The following GABBR2 variants were observed in gnomAD, a reference collection of about 807,000 sequenced individuals.
GABBR2 encodes the protein G-protein coupled receptor 51.
In GABBR2, 23 loss-of-function variants were observed where a neutral mutation model predicts 105.6. The observed-to-expected ratio is 0.22, with a 90% CI of 0.16 to 0.31. The LOEUF (loss-of-function observed/expected upper bound fraction) is 0.31, where lower values mean the gene tolerates loss of function less well. GABBR2 is among the 10% of genes least tolerant of loss of function. GABBR2 has a pLI of 1.00. For missense variants in GABBR2, 734 were observed against 1,245.5 expected (o/e 0.59, Z 6.18); for synonymous variants, 478 against 499.7 (o/e 0.96, Z 0.58).
chr9:98,504,879 T>A (rs1827473497), intron 3 of GABBR2, among the ~76,000 whole-genome samples: 1 of 152,210 alleles, frequency 6.6e-6, no homozygotes, highest in Non-Finnish European at 1.5e-5. Context: ...TTCAGGCCAC[T>A]TTTACTGGGG....
chr9:98,436,357 A>AC (rs1159845409), intron 7 of GABBR2, among the ~76,000 whole-genome samples: 39 of 3,260 alleles, frequency 0.012, 4 homozygotes, highest in South Asian at 0.096. Context: ...CCATATATAT[A>AC]TATATATATA....
intron 1 of GABBR2, among the ~76,000 whole-genome samples, chr9:98,692,776 A>C (rs1830699715): frequency 6.6e-6 from 1 of 152,238 alleles, no homozygotes. Context: ...TTTAGTTGTT[A>C]AAATAATACC....
At chr9:98,518,745 G>A (rs759498634) in intron 3 of GABBR2, among the ~76,000 whole-genome samples, 2 of 152,206 alleles carry the variant, frequency 1.3e-5, no homozygotes, top group Non-Finnish European at 2.9e-5. Flanking sequence ...GGTTGCTCAT[G>A]TATGGAGAGG....
intron 7 of GABBR2, among the ~76,000 whole-genome samples, chr9:98,408,069 C>T (rs1722522859): frequency 6.6e-6 from 1 of 152,112 alleles, no homozygotes; most frequent in African/African-American, 2.4e-5. Context: ...GACAGGTGCT[C>T]AGCAAATGGC....
intron 8 of GABBR2, among the ~76,000 whole-genome samples, chr9:98,401,875 T>A (rs1832400780): frequency 6.6e-6 from 1 of 152,202 alleles, no homozygotes; most frequent in African/African-American, 2.4e-5. Context: ...CAACTTGGTT[T>A]TCTCCAGAGG....
intron 3 of GABBR2, among the ~76,000 whole-genome samples, chr9:98,522,164 T>G (rs1827880753): frequency 6.6e-6 from 1 of 152,020 alleles, no homozygotes; most frequent in Admixed American, 6.6e-5. Flanking sequence ...TGATGAATAT[T>G]GTGGAGGACA....
intron 1 of GABBR2, among the ~76,000 whole-genome samples, chr9:98,702,284 TC>T (rs1026134503): frequency 1.3e-5 from 2 of 151,024 alleles, no homozygotes; most frequent in Admixed American, 6.6e-5. Flanking sequence ...ACACACCCCC[TC>T]CCCAGACATT....
chr9:98,567,004 C>T (rs1386350331), intron 2 of GABBR2, among the ~76,000 whole-genome samples: 1 of 152,194 alleles, frequency 6.6e-6, no homozygotes, highest in Non-Finnish European at 1.5e-5. Flanking sequence ...CAAATTCCCT[C>T]TCCAGTTCTT....
At chr9:98,623,634 C>G (rs1015805498) in intron 1 of GABBR2, among the ~76,000 whole-genome samples, 1 of 152,208 alleles carries the variant, frequency 6.6e-6, no homozygotes, top group African/African-American at 2.4e-5. Context: ...TGGCTCATGG[C>G]CCCTTCCTCC....
chr9:98,621,717 T>C (rs907690096), intron 1 of GABBR2, among the ~76,000 whole-genome samples: 1 of 152,206 alleles, frequency 6.6e-6, no homozygotes, highest in Admixed American at 6.5e-5. Flanking sequence ...CAAAGTCATT[T>C]TGAAAAATGG....
chr9:98,324,037 G>A (rs375858664), intron 13 of GABBR2, among the ~76,000 whole-genome samples: 7 of 152,258 alleles, frequency 4.6e-5, no homozygotes, highest in African/African-American at 1.2e-4. Context: ...CACATTTTGC[G>A]CAGGAGAATA....
chr9:98,681,910 TA>T (rs1464436338), intron 1 of GABBR2, among the ~76,000 whole-genome samples: 1 of 152,216 alleles, frequency 6.6e-6, no homozygotes, highest in African/African-American at 2.4e-5. Flanking sequence ...TAAATCCAGC[TA>T]TGTGAAGATG....
At chr9:98,519,065 C>T (rs750732763) in intron 3 of GABBR2, among the ~76,000 whole-genome samples, 3 of 152,178 alleles carry the variant, frequency 2.0e-5, no homozygotes, top group Non-Finnish European at 2.9e-5. Context: ...TGGAATTTTC[C>T]AAAGGGGACC....
intron 1 of GABBR2, among the ~76,000 whole-genome samples, chr9:98,691,704 C>T (rs527810047): frequency 6.6e-6 from 1 of 152,342 alleles, no homozygotes; most frequent in Admixed American, 6.5e-5. Flanking sequence ...CTGAATGGCT[C>T]AGCATTATCC....
intron 5 of GABBR2, among the ~76,000 whole-genome samples, chr9:98,475,186 T>A (rs1028368693): frequency 6.6e-5 from 10 of 152,098 alleles, no homozygotes. Flanking sequence ...ATCACAGTCA[T>A]TTTTGCAGCA....
At chr9:98,352,345 T>A (rs668317) in intron 13 of GABBR2, among the ~76,000 whole-genome samples, 105,336 of 151,992 alleles carry the variant, frequency 0.69, 36,817 homozygotes, top group East Asian at 0.81. Context: ...CTTAGGCAGC[T>A]TGCATAGCCA....
intron 13 of GABBR2, among the ~76,000 whole-genome samples, chr9:98,345,497 C>A (rs79373390): frequency 0.043 from 6,475 of 152,234 alleles, 324 homozygotes; most frequent in African/African-American, 0.12. Context: ...GATACATTAA[C>A]CTACTTAATG....
At chr9:98,389,568 G>C (rs1462694652) in intron 9 of GABBR2, among the ~76,000 whole-genome samples, 1 of 152,238 alleles carries the variant, frequency 6.6e-6, no homozygotes, top group Non-Finnish European at 1.5e-5. Flanking sequence ...ACAAGACTCT[G>C]AGTAACTGTG....
chr9:98,540,646 C>A (rs560893085), intron 3 of GABBR2, among the ~76,000 whole-genome samples: 2 of 152,346 alleles, frequency 1.3e-5, no homozygotes, highest in African/African-American at 2.4e-5. Flanking sequence ...CCCCACCGCT[C>A]CGGCTGAGGT....
Sources: allele counts gnomAD v4.1 joint callset (sites outside exome capture counted in the v4.1 genomes callset), GRCh38; gene constraint gnomAD v4.1.1; transcripts MANE v1.5; gene names NCBI Gene and HGNC (gene_info 2026-07-23, HGNC 2026-07-21).